The following LRRTM4 variants were observed in gnomAD, a reference collection of about 807,000 sequenced individuals.
LRRTM4 encodes leucine rich repeat transmembrane neuronal 4.
A neutral mutation model predicts 47.6 loss-of-function variants in LRRTM4; 25 were observed. That is an observed-to-expected ratio of 0.53 (90% confidence interval 0.38 to 0.73). The LOEUF (loss-of-function observed/expected upper bound fraction) is 0.73. Among genes scored for constraint, LRRTM4 ranks in the 30% least tolerant of loss-of-function variants. The probability of loss-of-function intolerance (pLI) is 0.00; values close to 1 mark genes in which losing one functional copy is unlikely to be tolerated. For synonymous variants in LRRTM4, 311 were observed against 269.5 expected (o/e 1.15, Z -1.51); for missense variants, 638 against 713.4 (o/e 0.89, Z 1.20).
chr2:76,907,474 G>A (rs199891825), intron 3 of LRRTM4, among the ~76,000 whole-genome samples: 26,383 of 144,604 alleles, frequency 0.18, 3,349 homozygotes, highest in East Asian at 0.58. Context: ...CTAGCAGAAG[G>A]CAAGAAATAA....
chr2:77,335,604 A>T (rs956130433), intron 3 of LRRTM4, among the ~76,000 whole-genome samples: 1 of 152,182 alleles, frequency 6.6e-6, no homozygotes, highest in African/African-American at 2.4e-5. Context: ...TTGTTCTTGC[A>T]TGCAGCATAA....
intron 3 of LRRTM4, among the ~76,000 whole-genome samples, chr2:77,038,341 C>T (rs189866369): frequency 6.6e-6 from 1 of 151,674 alleles, no homozygotes; most frequent in African/African-American, 2.4e-5. Flanking sequence ...TATTAGAATT[C>T]ACTTGACCTT....
intron 3 of LRRTM4, among the ~76,000 whole-genome samples, chr2:76,839,365 T>C (rs1573193241): frequency 6.6e-6 from 1 of 152,170 alleles, no homozygotes. Context: ...AAATGATCAA[T>C]TGTTTTATAA....
At chr2:77,394,985 G>A (rs1453694887) in intron 3 of LRRTM4, among the ~76,000 whole-genome samples, 1 of 151,998 alleles carries the variant, frequency 6.6e-6, no homozygotes, top group Admixed American at 6.6e-5. Flanking sequence ...CTTGAGGCCA[G>A]TGCTTATTTA....
At chr2:77,244,535 A>G (rs1305087601) in intron 3 of LRRTM4, among the ~76,000 whole-genome samples, 4 of 152,180 alleles carry the variant, frequency 2.6e-5, no homozygotes, top group Non-Finnish European at 5.9e-5. Context: ...TAGATATCTG[A>G]AAATAGAGAT....
intron 3 of LRRTM4, among the ~76,000 whole-genome samples, chr2:77,041,722 T>A (rs1246390428): frequency 1.3e-5 from 2 of 151,154 alleles, no homozygotes; most frequent in Non-Finnish European, 3.0e-5. Context: ...TCTATTCACA[T>A]CTTTTACCCA....
intron 3 of LRRTM4, among the ~76,000 whole-genome samples, chr2:77,191,698 G>C (rs958689246): frequency 6.6e-6 from 1 of 151,898 alleles, no homozygotes; most frequent in Admixed American, 6.6e-5. Context: ...TTAGAAAGAA[G>C]TAAAAAATAT....
chr2:76,974,199 T>TACATATATATACATAC lies in LRRTM4; in HGVS notation c.1552-225284_1552-225283insGTATGTATATATATGT, dbSNP rs1233307114. Among the ~76,000 whole-genome samples, 3 of 94,814 alleles carry TACATATATATACATAC rather than the reference T, an allele frequency of 3.2e-5. No individual in the cohort carries two copies. In the Admixed American group the frequency reaches 3.8e-4, roughly 12 times the overall value. The allele number at this position is 94,814 out of a possible 152,430, so 62.2% of individuals were successfully genotyped here. A position where few individuals can be genotyped will look rare whatever the true frequency, so the allele number is the denominator to read the frequency against. On this transcript the variant is annotated intron_variant, in intron 3 of 3. Coordinates refer to ENST00000409884, the MANE Select transcript of LRRTM4 (RefSeq NM_001134745.3). ...ATATATATACATACATATATATACATATATATATATACACATATATATACA... is the reference window on the plus strand; with the variant it reads ...ATATATATACATACATATATATACATACATATATATACATACATATATATATACACATATATATACA...
rs529511252 is a variant in LRRTM4 at position 77,167,483 on chromosome 2, C to T, written c.1551+350835G>A. ...ACCCAAAGGATTATAAATCATGCTG[C>T]TATAAAGACACATGCATACGTATGT... On this transcript the variant is annotated intron_variant, in intron 3 of 3. Coordinates refer to ENST00000409884, the MANE Select transcript of LRRTM4 (RefSeq NM_001134745.3). Among the ~76,000 whole-genome samples the T allele has an allele frequency of 2.7e-3, 417 of 152,268 alleles. 1 individual carries two copies. Among genetic ancestry groups the T allele is most frequent in the Non-Finnish European group, 4.3e-3 (292 of 68,016 alleles).
intron 3 of LRRTM4, among the ~76,000 whole-genome samples, chr2:77,340,430 G>A (rs1573279930): frequency 6.6e-6 from 1 of 152,048 alleles, no homozygotes; most frequent in South Asian, 2.1e-4. Flanking sequence ...CATTTAATGA[G>A]TTTAATACAC....
At chr2:77,290,343 A>G (rs1035253402) in intron 3 of LRRTM4, among the ~76,000 whole-genome samples, 4 of 146,594 alleles carry the variant, frequency 2.7e-5, no homozygotes, top group African/African-American at 8.1e-5. Flanking sequence ...TGTGGGAGGT[A>G]AAAATAAATA....
chr2:76,899,765 A>T (rs1022364762), intron 3 of LRRTM4, among the ~76,000 whole-genome samples: 1 of 152,228 alleles, frequency 6.6e-6, no homozygotes, highest in Admixed American at 6.5e-5. Flanking sequence ...AGGCAAAAAC[A>T]GGTGAAATAT....
intron 3 of LRRTM4, among the ~76,000 whole-genome samples, chr2:77,481,611 C>T (rs1422552358): frequency 6.6e-6 from 1 of 152,098 alleles, no homozygotes; most frequent in Non-Finnish European, 1.5e-5. Context: ...GATTCCACTT[C>T]CCTAAGTCTT....
chr2:77,350,360 A>AAAAG lies in LRRTM4; in HGVS notation c.1551+167954_1551+167957dup, dbSNP rs1558701238. Among the ~76,000 whole-genome samples, 236 of 143,688 alleles carry AAAAG rather than the reference A, an allele frequency of 1.6e-3. 3 individuals are homozygous for AAAAG. Among genetic ancestry groups the AAAAG allele is most frequent in the African/African-American group, 6.2e-3 (223 of 35,692 alleles). The allele number at this position is 143,688 out of a possible 152,430, so 94.3% of individuals were successfully genotyped here. ...AAAAAAAAAAAAAAAAAAAAAAAAA[A>AAAAG]AAAGAAATTGGAAATGCTGAGGTGT... On this transcript the variant is annotated intron_variant, in intron 3 of 3. Coordinates refer to ENST00000409884, the MANE Select transcript of LRRTM4 (RefSeq NM_001134745.3).
chr2:77,027,694 T>A (rs1473827791), intron 3 of LRRTM4, among the ~76,000 whole-genome samples: 1 of 152,218 alleles, frequency 6.6e-6, no homozygotes, highest in African/African-American at 2.4e-5. Flanking sequence ...GATAATTTCA[T>A]CTAGTTAATC....
chr2:76,874,791 G>A (rs1025055087), intron 3 of LRRTM4, among the ~76,000 whole-genome samples: 2 of 151,722 alleles, frequency 1.3e-5, no homozygotes, highest in African/African-American at 4.8e-5. Context: ...TATTTTTTTG[G>A]AGAGATCAGT....
intron 3 of LRRTM4, among the ~76,000 whole-genome samples, chr2:77,498,415 A>C (rs1165454304): frequency 6.6e-6 from 1 of 151,774 alleles, no homozygotes; most frequent in East Asian, 1.9e-4. Context: ...GTGTGTTCAA[A>C]ACCATTTATT....
intron 3 of LRRTM4, among the ~76,000 whole-genome samples, chr2:77,336,184 AAAGGAAAGAAGG>A (rs142778024): frequency 0.025 from 3,753 of 147,240 alleles, 194 homozygotes; most frequent in African/African-American, 0.09. Context: ...AGGAAGGAAG[AAAGGAAAGAAGG>A]AAGGAAAGAA....
chr2:77,079,284 G>A (rs924017760), intron 3 of LRRTM4, among the ~76,000 whole-genome samples: 8 of 152,274 alleles, frequency 5.3e-5, no homozygotes, highest in East Asian at 1.9e-4. Context: ...GAAGTCTTGC[G>A]TGGGAATTGG....
Sources: gnomAD v4.1 joint callset for allele counts (sites outside exome capture counted in the v4.1 genomes callset) on GRCh38, gnomAD v4.1.1 for gene constraint, MANE v1.5 for transcripts, NCBI Gene and HGNC (gene_info 2026-07-23, HGNC 2026-07-21) for gene names.